Variants in DNAH14 observed in about 807,000 individuals in gnomAD.
The protein encoded by DNAH14 is dynein axonemal heavy chain 14, also known as axonemal beta dynein heavy chain 14.
DNAH14 carries 478 observed loss-of-function variants against 520.9 expected under a neutral mutation model. The observed-to-expected ratio is 0.92, with a 90% CI of 0.85 to 0.99. The LOEUF (loss-of-function observed/expected upper bound fraction) is 0.99, where lower values mean the gene tolerates loss of function less well. Among genes scored for constraint, DNAH14 ranks in the 50% least tolerant of loss-of-function variants. The pLI, the probability that DNAH14 is intolerant of heterozygous loss-of-function variation, is 0.00. For missense variants in DNAH14, 4,831 were observed against 5,234.5 expected (o/e 0.92, Z 2.38); for synonymous variants, 1,581 against 1,757.2 (o/e 0.90, Z 2.51).
At chr1:225,054,736 A>C (rs1466442050) in intron 17 of DNAH14, among the ~76,000 whole-genome samples, 2 of 152,118 alleles carry the variant, frequency 1.3e-5, no homozygotes, top group Admixed American at 6.5e-5. Flanking sequence ...CATTATAGGA[A>C]TCTTTAAAGT....
At chr1:225,195,822 C>G (rs1488040050) in intron 38 of DNAH14, among the ~76,000 whole-genome samples, 1 of 151,550 alleles carries the variant, frequency 6.6e-6, no homozygotes, top group South Asian at 2.1e-4. Context: ...ACTTTTTTTT[C>G]TCATCAGGTT....
At chr1:225,285,459 T>G (rs2093717212) in intron 54 of DNAH14, among the ~76,000 whole-genome samples, 1 of 152,076 alleles carries the variant, frequency 6.6e-6, no homozygotes, top group African/African-American at 2.4e-5. Flanking sequence ...GCAGGAGAAT[T>G]GCTTGAACCC....
intron 38 of DNAH14, among the ~76,000 whole-genome samples, chr1:225,200,327 C>G (rs2086662583): frequency 1.3e-5 from 2 of 152,188 alleles, no homozygotes; most frequent in Middle Eastern, 3.4e-3. Context: ...CATCTACATT[C>G]AATGTTAGTA....
intron 54 of DNAH14, among the ~76,000 whole-genome samples, chr1:225,289,409 T>C (rs1025009607): frequency 4.6e-5 from 7 of 152,154 alleles, no homozygotes; most frequent in African/African-American, 1.4e-4. Context: ...CATTGAATTA[T>C]CCACTTAAAA....
intron 15 of DNAH14, among the ~76,000 whole-genome samples, chr1:225,049,490 A>G (rs140133511): frequency 4.6e-5 from 7 of 152,138 alleles, no homozygotes; most frequent in East Asian, 1.9e-4. Context: ...TTTTCTCCCA[A>G]TCTGTGCCTT....
chr1:225,078,454 T>C (rs559070303), intron 17 of DNAH14, among the ~76,000 whole-genome samples: 1 of 152,204 alleles, frequency 6.6e-6, no homozygotes, highest in Non-Finnish European at 1.5e-5. Flanking sequence ...CATAACTTAC[T>C]TATTTTATGT....
chr1:225,172,800 A>T (rs1223507678), intron 36 of DNAH14, among the ~76,000 whole-genome samples: 2 of 152,246 alleles, frequency 1.3e-5, no homozygotes, highest in African/African-American at 4.8e-5. Flanking sequence ...CGCATTGCCA[A>T]GTCAATCCTA....
intron 75 of DNAH14, among the ~76,000 whole-genome samples, chr1:225,363,707 G>A (rs1371053425): frequency 6.6e-6 from 1 of 151,740 alleles, no homozygotes; most frequent in Admixed American, 6.6e-5. Context: ...ATCAAGTGGT[G>A]CAGTATTTGC....
chr1:225,184,765 G>GAA (rs543405252), intron 36 of DNAH14, among the ~76,000 whole-genome samples: 1 of 151,302 alleles, frequency 6.6e-6, no homozygotes, highest in Non-Finnish European at 1.5e-5. Context: ...GAGAGAGAGA[G>GAA]AGAAAGAAAG....
Position 225,118,154 on chromosome 1 carries a change from C to T in DNAH14, c.4091+155C>T, listed in dbSNP as rs1025164167. ...AAATATACTTTTGCCTTTCCATATT[C>T]CCTACAATACATAATCTCACCTTTG... On this transcript the variant is annotated intron_variant, in intron 25 of 85. Transcript: ENST00000682510. The T allele has an allele frequency of 5.7e-6, 4 of 702,340 alleles. No homozygotes were observed. In the African/African-American group the frequency reaches 7.0e-5, roughly 12 times the overall value. 43.5% of individuals were successfully genotyped at this position (702,340 alleles called of 1,614,324 possible).
intron 40 of DNAH14, among the ~76,000 whole-genome samples, chr1:225,206,607 GAA>G (rs1371573975): frequency 6.6e-6 from 1 of 152,140 alleles, no homozygotes; most frequent in African/African-American, 2.4e-5. Context: ...CTCTATACAT[GAA>G]GTTATTAGCT....
At chr1:225,129,939 C>G (rs567990772) in intron 27 of DNAH14, among the ~76,000 whole-genome samples, 1 of 152,206 alleles carries the variant, frequency 6.6e-6, no homozygotes, top group South Asian at 2.1e-4. Context: ...GGCTAATATC[C>G]AGAATCTACA....
Position 225,351,777 on chromosome 1 carries a change from A to G in DNAH14, c.11427A>G (p.Ser3809=). Residue 3809 remains serine, a synonymous_variant, in exon 72 of 86, where the codon TCA becomes TCG. Coordinates refer to ENST00000682510, the MANE Select transcript of DNAH14 (RefSeq NM_001367479.1). ...LLCKSLLSNV[S]QWDTFKNSKA... is the part of the protein sequence containing the mutation. ...GCAAATCCCTTTTATCAAACGTATCACAATGGGATACTTTTAAGAACAGTA... is the reference window on the plus strand; with the variant it reads ...GCAAATCCCTTTTATCAAACGTATCGCAATGGGATACTTTTAAGAACAGTA... 1 of 1,551,294 alleles carries G rather than the reference A, an allele frequency of 6.4e-7. No individual in the cohort carries two copies.
At chr1:225,084,791 A>T (rs2073543078) in intron 20 of DNAH14, among the ~76,000 whole-genome samples, 1 of 137,004 alleles carries the variant, frequency 7.3e-6, no homozygotes, top group Non-Finnish European at 1.7e-5. Flanking sequence ...AAGACTTGAC[A>T]AGGCTAGATT....
At chr1:225,213,582 T>C (rs1164833220) in intron 41 of DNAH14, among the ~76,000 whole-genome samples, 1 of 152,208 alleles carries the variant, frequency 6.6e-6, no homozygotes, top group Non-Finnish European at 1.5e-5. Context: ...TTTTATTTCG[T>C]TGAGCAGTGG....
intron 2 of DNAH14, among the ~76,000 whole-genome samples, 196 bp from the exon 3 acceptor site, chr1:224,954,763 G>C (rs145305344): frequency 2.6e-5 from 4 of 152,220 alleles, no homozygotes; most frequent in East Asian, 3.9e-4. Flanking sequence ...TTACTTGAGT[G>C]AATAGATATT....
At chr1:225,131,029 T>C (rs183834137) in intron 27 of DNAH14, among the ~76,000 whole-genome samples, 2 of 152,280 alleles carry the variant, frequency 1.3e-5, no homozygotes, top group Admixed American at 6.5e-5. Flanking sequence ...GGTAGATGTA[T>C]AGATTCATGG....
intron 44 of DNAH14, among the ~76,000 whole-genome samples, chr1:225,255,199 A>G (rs1267931157): frequency 6.6e-6 from 1 of 152,158 alleles, no homozygotes; most frequent in Non-Finnish European, 1.5e-5. Context: ...TTTGATTTCC[A>G]CTAATGTTTG....
At chr1:225,016,246 C>T (rs766645857) in intron 10 of DNAH14, among the ~76,000 whole-genome samples, 1 of 152,160 alleles carries the variant, frequency 6.6e-6, no homozygotes, top group Non-Finnish European at 1.5e-5. Context: ...AACTTTTCCT[C>T]CTCAGAATTC....
Sources: gnomAD v4.1 joint callset for allele counts (sites outside exome capture counted in the v4.1 genomes callset) on GRCh38, gnomAD v4.1.1 for gene constraint, MANE v1.5 for transcripts, NCBI Gene and HGNC (gene_info 2026-07-23, HGNC 2026-07-21) for gene names.